MYO1H: variants seen among roughly 807,000 people sequenced by gnomAD.
MYO1H encodes unconventional myosin-Ih.
In MYO1H, 118 loss-of-function variants were observed where a neutral mutation model predicts 149.3. The ratio of observed to expected loss-of-function variants is 0.79; its 90% CI spans 0.68 to 0.92. MYO1H has a LOEUF of 0.92. Among genes scored for constraint, MYO1H ranks in the 40% least tolerant of loss-of-function variants. MYO1H has a pLI of 0.00. For missense variants in MYO1H, 1,212 were observed against 1,280.7 expected (o/e 0.95, Z 0.82); for synonymous variants, 447 against 465.2 (o/e 0.96, Z 0.50).
intron 1 of MYO1H, among the ~76,000 whole-genome samples, chr12:109,377,692 A>G (rs1869112650): frequency 6.6e-6 from 1 of 152,230 alleles, no homozygotes; most frequent in South Asian, 2.1e-4. Flanking sequence ...TAGCAGTCTT[A>G]TATATCTTCT....
chr12:109,318,917 A>G, the MYO1H span, among the ~76,000 whole-genome samples: 3 of 121,804 alleles, frequency 2.5e-5, no homozygotes, highest in South Asian at 2.9e-4. Flanking sequence ...GGCGGGAGTG[A>G]GGGGAGGGGA....
At chr12:109,395,096 G>A (rs941411327) in intron 3 of MYO1H, among the ~76,000 whole-genome samples, 1 of 152,172 alleles carries the variant, frequency 6.6e-6, no homozygotes, top group Non-Finnish European at 1.5e-5. Context: ...AATGGCTTTG[G>A]AACTCTGCCT....
the MYO1H span, among the ~76,000 whole-genome samples, chr12:109,331,479 G>T: frequency 6.6e-6 from 1 of 152,106 alleles, no homozygotes; most frequent in Non-Finnish European, 1.5e-5. Flanking sequence ...GGTGCGGTGG[G>T]GCGGGGGTGG....
upstream of MYO1H, among the ~76,000 whole-genome samples, chr12:109,346,452 A>G (rs1211812578): frequency 6.6e-6 from 1 of 152,222 alleles, no homozygotes; most frequent in Non-Finnish European, 1.5e-5. Context: ...TATTTCAGAT[A>G]TGCAAAAATG....
At chr12:109,381,035 C>G (rs1869194500) in intron 1 of MYO1H, among the ~76,000 whole-genome samples, 1 of 152,112 alleles carries the variant, frequency 6.6e-6, no homozygotes, top group Non-Finnish European at 1.5e-5. Context: ...TTTTAAAATG[C>G]TTTCTTCTGC....
chr12:109,312,775 T>C, the MYO1H span, among the ~76,000 whole-genome samples: 1 of 128,042 alleles, frequency 7.8e-6, no homozygotes, highest in Non-Finnish European at 1.6e-5. Context: ...TTTTGTTTGT[T>C]TTTTGTTTTG....
intron 14 of MYO1H, 28 bp from the exon 15 acceptor site, chr12:109,415,498 T>TC (rs1230695004): frequency 6.4e-7 from 1 of 1,566,000 alleles, no homozygotes; most frequent in Admixed American, 1.9e-5. Context: ...AAAAGAAAGT[T>TC]CAACTCGTGT....
intron 6 of MYO1H, among the ~76,000 whole-genome samples, chr12:109,402,003 G>T (rs1369638569): frequency 6.6e-6 from 1 of 152,158 alleles, no homozygotes; most frequent in African/African-American, 2.4e-5. Flanking sequence ...GCCTCCCAAA[G>T]TGCTGAGTTT....
chr12:109,415,725 G>A (rs762464866), intron 15 of MYO1H, 105 bp downstream of exon 15: 48 of 697,396 alleles, frequency 6.9e-5, no homozygotes, highest in Admixed American at 2.2e-4. Flanking sequence ...CATCCCAAAC[G>A]TTCCCTAACC....
chr12:109,442,236 G>A (rs1037377778), exon 27 of MYO1H: 63 of 1,613,774 alleles, frequency 3.9e-5, no homozygotes, highest in Non-Finnish European at 4.7e-5. Flanking sequence ...ACATTAATCC[G>A]AAAGTGCTTC....
chr12:109,445,466 G>A (rs749394596), intron 30 of MYO1H, 47 bp from the exon 31 acceptor site: 1 of 1,409,660 alleles, frequency 7.1e-7, no homozygotes, highest in South Asian at 1.3e-5. Flanking sequence ...AAGGTTGAGA[G>A]AAGAAAATAC....
exon 14 of MYO1H, chr12:109,411,972 G>A (rs967236285): frequency 2.5e-6 from 4 of 1,595,800 alleles, no homozygotes; most frequent in Non-Finnish European, 3.4e-6. Flanking sequence ...GGGCAAACAT[G>A]CACACTTCGA....
In MYO1H at chr12:109,410,087, T is replaced by A; in HGVS notation, c.1329+19T>A. Reference sequence around the variant, plus strand: ...CATAGAGGTAAACATTTTGATGTTTTCTCCTCATCTGATTTCTTCATCTAG... The same window carrying A: ...CATAGAGGTAAACATTTTGATGTTTACTCCTCATCTGATTTCTTCATCTAG... On this transcript the variant is annotated intron_variant, in intron 12 of 31. Coordinates refer to ENST00000310903, the Ensembl canonical transcript of MYO1H. 3 of 1,257,604 alleles carry A rather than the reference T, an allele frequency of 2.4e-6. No homozygotes were observed. Among genetic ancestry groups the A allele is most frequent in the Non-Finnish European group, 3.3e-6 (3 of 922,964 alleles). The allele number at this position is 1,257,604 out of a possible 1,614,324, so 77.9% of individuals were successfully genotyped here.
the MYO1H span, among the ~76,000 whole-genome samples, chr12:109,323,816 C>T: frequency 6.6e-6 from 1 of 152,050 alleles, no homozygotes; most frequent in African/African-American, 2.4e-5. Flanking sequence ...AGTAATAAAC[C>T]ACCCCAAATT....
intron 19 of MYO1H, among the ~76,000 whole-genome samples, chr12:109,432,104 C>T (rs540714552): frequency 1.5e-3 from 213 of 145,714 alleles, no homozygotes; most frequent in African/African-American, 4.2e-3. Flanking sequence ...CAGGTTCACA[C>T]TATTCTCCTT....
the MYO1H span, among the ~76,000 whole-genome samples, chr12:109,320,453 T>TATAAAAAAA: frequency 9.9e-5 from 1 of 10,112 alleles, no homozygotes; most frequent in Non-Finnish European, 1.9e-4. Flanking sequence ...CTATTAAAAA[T>TATAAAAAAA]ACAAAAAAAA....
At chr12:109,342,881 G>A in the MYO1H span, among the ~76,000 whole-genome samples, 1 of 151,776 alleles carries the variant, frequency 6.6e-6, no homozygotes. Context: ...GGCTAATTCT[G>A]CCTCTTCCCA....
At chr12:109,349,883 C>A (rs1327321507) in intron 1 of MYO1H, among the ~76,000 whole-genome samples, 2 of 150,580 alleles carry the variant, frequency 1.3e-5, no homozygotes, top group African/African-American at 4.9e-5. Flanking sequence ...ATGGCGTGAA[C>A]CCGGGAGGCA....
chr12:109,419,901 C>A (rs1007867471), intron 15 of MYO1H, among the ~76,000 whole-genome samples: 1 of 151,746 alleles, frequency 6.6e-6, no homozygotes, highest in Non-Finnish European at 1.5e-5. Context: ...TCTGGTTTTG[C>A]CTTTATAATG....
Sources: allele counts gnomAD v4.1 joint callset (sites outside exome capture counted in the v4.1 genomes callset), GRCh38; gene constraint gnomAD v4.1.1; transcripts MANE v1.5; gene names NCBI Gene and HGNC (gene_info 2026-07-23, HGNC 2026-07-21).